Variants in PTPRG observed in about 807,000 individuals in gnomAD.
PTPRG encodes protein tyrosine phosphatase receptor type G, also known as receptor-type tyrosine-protein phosphatase gamma.
In PTPRG, 102 loss-of-function variants were observed where a neutral mutation model predicts 165.3. The observed-to-expected ratio is 0.62, with a 90% confidence interval of 0.53 to 0.73. PTPRG has a LOEUF of 0.73. PTPRG is among the 30% of genes least tolerant of loss of function. The probability of loss-of-function intolerance (pLI) is 0.00; values close to 1 mark genes in which losing one functional copy is unlikely to be tolerated. For synonymous variants in PTPRG, 675 were observed against 669.5 expected (o/e 1.01, Z -0.13); for missense variants, 1,866 against 1,861.4 (o/e 1.00, Z -0.05).
At chr3:61,940,154 C>CCAGGCTGGT (rs2039584315) in intron 2 of PTPRG, among the ~76,000 whole-genome samples, 1 of 151,864 alleles carries the variant, frequency 6.6e-6, no homozygotes, top group African/African-American at 2.4e-5. Flanking sequence ...ACCAGGTTGG[C>CCAGGCTGGT]CAGGCTGGTC....
At chr3:62,231,139 G>A in intron 13 of PTPRG, 86 bp from the exon 14 acceptor site, 2 of 1,009,010 alleles carry the variant, frequency 2.0e-6, no homozygotes, top group Non-Finnish European at 1.4e-6. Context: ...TTAGATGGGA[G>A]GGGAGGGCAT....
At chr3:61,813,270 T>A (rs1314239608) in intron 2 of PTPRG, among the ~76,000 whole-genome samples, 1 of 136,966 alleles carries the variant, frequency 7.3e-6, no homozygotes, top group Non-Finnish European at 1.5e-5. Context: ...CTTAGGCGAG[T>A]GGATCACCTG....
chr3:62,057,450 G>C (rs1386115263), intron 4 of PTPRG, among the ~76,000 whole-genome samples: 2 of 152,222 alleles, frequency 1.3e-5, no homozygotes, highest in Admixed American at 6.5e-5. Context: ...CATTTCCTGA[G>C]ACACGTCAAG....
At chr3:61,930,684 G>T (rs1228619590) in intron 2 of PTPRG, among the ~76,000 whole-genome samples, 2 of 152,188 alleles carry the variant, frequency 1.3e-5, no homozygotes, top group African/African-American at 4.8e-5. Flanking sequence ...ATCCTCTATG[G>T]GTGTTCCAAA....
chr3:61,989,951 T>A (rs1438008060), intron 3 of PTPRG, 147 bp downstream of exon 3: 2 of 795,530 alleles, frequency 2.5e-6, no homozygotes, highest in Non-Finnish European at 3.9e-6. Context: ...GAACAAGTTA[T>A]GTAACTCAGT....
chr3:62,027,600 A>G (rs1256513893), intron 4 of PTPRG, among the ~76,000 whole-genome samples: 2 of 152,130 alleles, frequency 1.3e-5, no homozygotes, highest in Non-Finnish European at 2.9e-5. Flanking sequence ...TTTTCCAAAT[A>G]TTTTCGAGTG....
At chr3:62,209,292 CGCACAGGACA>C (rs1436021543) in intron 12 of PTPRG, among the ~76,000 whole-genome samples, 3 of 152,034 alleles carry the variant, frequency 2.0e-5, no homozygotes, top group Admixed American at 6.5e-5. Context: ...CGTCATATGG[CGCACAGGACA>C]GCTCCACAAC....
intron 2 of PTPRG, among the ~76,000 whole-genome samples, chr3:61,832,648 C>A (rs760440957): frequency 6.6e-6 from 1 of 152,100 alleles, no homozygotes; most frequent in Non-Finnish European, 1.5e-5. Context: ...AACTGAGATG[C>A]AGAATATGCT....
At position 61,890,555 on chromosome 3, in the gene PTPRG, C is replaced by T. The variant is rs959423888; in HGVS notation, c.191-99070C>T. ...AAAGAACAAACATTCCTTGAAGCAG[C>T]TATTTTTATAATAATGTTAATATTT... is the stretch of plus-strand genomic sequence containing the variant. On this transcript the variant is annotated intron_variant, in intron 2 of 29. Transcript: ENST00000474889. 4.6e-5 allele frequency among the ~76,000 whole-genome samples: 7 copies of T among 151,838 alleles called. No homozygotes were observed. The East Asian group carries it at 1.4e-3, about 29-fold the overall frequency.
At chr3:62,202,778 A>G (rs969570885) in intron 11 of PTPRG, among the ~76,000 whole-genome samples, 1 of 152,102 alleles carries the variant, frequency 6.6e-6, no homozygotes, top group Non-Finnish European at 1.5e-5. Context: ...ATATACATAA[A>G]ATCAAAGGTC....
At chr3:61,862,628 C>T (rs1328646945) in intron 2 of PTPRG, among the ~76,000 whole-genome samples, 1 of 152,120 alleles carries the variant, frequency 6.6e-6, no homozygotes, top group African/African-American at 2.4e-5. Context: ...CTCCCAACCT[C>T]AGGTGATCTG....
At chr3:61,587,852 C>T (rs1700471950) in intron 1 of PTPRG, among the ~76,000 whole-genome samples, 1 of 151,814 alleles carries the variant, frequency 6.6e-6, no homozygotes, top group African/African-American at 2.4e-5. Flanking sequence ...GTAGAGGTGG[C>T]CTTACTGTGT....
At chr3:62,282,963 C>T in intron 28 of PTPRG, 94 bp downstream of exon 28, 1 of 1,155,890 alleles carries the variant, frequency 8.7e-7, no homozygotes, top group Non-Finnish European at 1.2e-6. Flanking sequence ...ATTTTAAAAC[C>T]TATCAACAAC....
At chr3:61,951,874 C>T (rs1436650512) in intron 2 of PTPRG, among the ~76,000 whole-genome samples, 1 of 152,110 alleles carries the variant, frequency 6.6e-6, no homozygotes, top group Non-Finnish European at 1.5e-5. Context: ...AATCCCAGCA[C>T]TTTGGGAGGC....
At position 62,282,736 on chromosome 3, in the gene PTPRG, G is replaced by A; in HGVS notation, c.3922G>A (p.Val1308Ile). The A allele has an allele frequency of 1.2e-6, 2 of 1,611,614 alleles. No homozygotes were observed. The highest frequency in any genetic ancestry group is 1.7e-6 in the Non-Finnish European group (2 of 1,178,916). Residue 1308 changes from valine (V) to isoleucine (I), a missense_variant, in exon 28 of 30, where the codon GTC (valine) becomes ATC (isoleucine). Around this residue, in one of 3 missense-constraint regions of PTPRG, gnomAD observed 1,452 missense variants for 1,463.0 expected, o/e 0.99. Coordinates refer to ENST00000474889, the MANE Select transcript of PTPRG (RefSeq NM_002841.4). Reference protein sequence around the residue: ...FILEATQDDYVLEVRHFQCPK... With the variant: ...FILEATQDDYILEVRHFQCPK... ...GTTGTATTGGTTACAGGATGACTAT[G>A]TCTTAGAAGTTCGGCACTTTCAGTG...
intron 1 of PTPRG, among the ~76,000 whole-genome samples, chr3:61,652,887 A>G (rs1702395165): frequency 6.6e-6 from 1 of 152,220 alleles, no homozygotes; most frequent in African/African-American, 2.4e-5. Context: ...TGTAACTGCC[A>G]GCTATTTGTC....
chr3:61,778,500 G>A lies in PTPRG; in HGVS notation c.190+29518G>A, dbSNP rs940217483. ...TGGGTTTGCAAAGGGAGTAGCTTCTGGTCCTCTTGTTACTTAGGCCCGGAA... is the reference window on the plus strand; with the variant it reads ...TGGGTTTGCAAAGGGAGTAGCTTCTAGTCCTCTTGTTACTTAGGCCCGGAA... On this transcript the variant is annotated intron_variant, in intron 2 of 29. Transcript: ENST00000474889. 1.8e-4 allele frequency among the ~76,000 whole-genome samples: 28 copies of A among 152,120 alleles called. 1 individual carries two copies. The East Asian group carries it at 5.4e-3, about 29-fold the overall frequency.
intron 12 of PTPRG, among the ~76,000 whole-genome samples, chr3:62,206,933 A>AAAAAACAAAAAAAAAC (rs1248901756): frequency 8.0e-4 from 117 of 146,246 alleles, no homozygotes; most frequent in African/African-American, 2.9e-3. Flanking sequence ...AAAAAAAAAA[A>AAAAAACAAAAAAAAAC]AAAAAAGAAG....
At position 61,802,663 on chromosome 3, in the gene PTPRG, T is replaced by C. The variant is rs1416063787; in HGVS notation, c.190+53681T>C. Among the ~76,000 whole-genome samples, 6 of 152,292 alleles carry C rather than the reference T, an allele frequency of 3.9e-5. No homozygotes were observed. The East Asian group carries it at 1.2e-3, about 29-fold the overall frequency. ...TCAAAATTGATTTGGTTTGGACCAT[T>C]TATCAGTCCTGGGTAGAAATGCACA... On this transcript the variant is annotated intron_variant, in intron 2 of 29. Coordinates refer to ENST00000474889, the MANE Select transcript of PTPRG (RefSeq NM_002841.4).
Sources: gnomAD v4.1 joint callset for allele counts (sites outside exome capture counted in the v4.1 genomes callset) on GRCh38, gnomAD v4.1.1 for gene constraint, gnomAD v4.1.1 regional missense constraint, MANE v1.5 for transcripts, NCBI Gene and HGNC (gene_info 2026-07-23, HGNC 2026-07-21) for gene names.